SRPK1: variants seen among roughly 807,000 people sequenced by gnomAD.
SRPK1 encodes SRSF protein kinase 1.
SRPK1 carries 52 observed loss-of-function variants against 89.5 expected under a neutral mutation model. That is an observed-to-expected ratio of 0.58 (90% CI 0.46 to 0.73). SRPK1 has a LOEUF of 0.73. Among genes scored for constraint, SRPK1 ranks in the 30% least tolerant of loss-of-function variants. The pLI, the probability that SRPK1 is intolerant of heterozygous loss-of-function variation, is 0.00. For synonymous variants in SRPK1, 255 were observed against 270.2 expected, an observed-to-expected ratio of 0.94 and a Z score of 0.55; for missense variants, 603 against 780.6, an observed-to-expected ratio of 0.77 and a Z score of 2.71.
At chr6:35,893,011 T>A (rs919502835) in intron 2 of SRPK1, among the ~76,000 whole-genome samples, 2 of 152,204 alleles carry the variant, frequency 1.3e-5, no homozygotes, top group South Asian at 2.1e-4. Flanking sequence ...AAATTAGCTA[T>A]AAAACTGCAT....
At chr6:35,880,742 A>AAAAAAAAAAAAAAAAAAAAAAAAGAAAG in intron 6 of SRPK1, among the ~76,000 whole-genome samples, 3 of 28,190 alleles carry the variant, frequency 1.1e-4, no homozygotes, top group East Asian at 1.0e-3. Flanking sequence ...AAAGAAAAAA[A>AAAAAAAAAAAAAAAAAAAAAAAAGAAAG]AAAAAAAAGA....
chr6:35,904,057 G>A (rs1002516050), intron 2 of SRPK1, among the ~76,000 whole-genome samples: 9 of 151,790 alleles, frequency 5.9e-5, no homozygotes, highest in Non-Finnish European at 8.8e-5. Context: ...TCCCACCTTG[G>A]CCTCCCAAAG....
rs11546952 is a variant in SRPK1, at chr6:35,834,150, G to A, written c.*1154C>T. 1 of 71,710 alleles carries A rather than the reference G, an allele frequency of 1.4e-5. No individual in the cohort carries two copies. Among genetic ancestry groups the A allele is most frequent in the Non-Finnish European group, 3.2e-5 (1 of 31,380 alleles). 4.4% of individuals were successfully genotyped at this position (71,710 alleles called of 1,614,324 possible). ...AGAATGGCTAATCTTAAAAAATAAC[G>A]AACCAACCAACCAAAAAACAAAACA... On this transcript the variant is annotated 3_prime_UTR_variant, in exon 16 of 16. Coordinates refer to ENST00000373825, the MANE Select transcript of SRPK1 (RefSeq NM_003137.5).
At chr6:35,892,935 G>T (rs1456237629) in intron 2 of SRPK1, among the ~76,000 whole-genome samples, 1 of 152,150 alleles carries the variant, frequency 6.6e-6, no homozygotes, top group African/African-American at 2.4e-5. Context: ...TAATGATTTA[G>T]ATTTTTGGTG....
chr6:35,888,815 T>C lies in SRPK1; in HGVS notation c.302A>G (p.Gln101Arg). 1.3e-6 allele frequency: 2 copies of C among 1,593,482 alleles called. No homozygotes were observed. The highest frequency in any genetic ancestry group is 8.6e-7 in the Non-Finnish European group (1 of 1,161,626). ...CTTTTACAGAACCACTAAAACTTAC[T>C]GAATATCCCATGATAACCATACTGT... is the stretch of plus-strand genomic sequence containing the variant. ...FSTVWLSWDI[Q>R]GKKFVAMKVV... Residue 101 changes from glutamine (Q) to arginine (R), a missense_variant and splice_region_variant, in exon 4 of 16, where the codon CAG becomes CGG. Gln to Arg is a conservative substitution (Grantham distance 43). Coordinates refer to ENST00000373825, the MANE Select transcript of SRPK1 (RefSeq NM_003137.5).
intron 13 of SRPK1, among the ~76,000 whole-genome samples, chr6:35,843,566 TCAGC>T (rs1769364402): frequency 6.6e-6 from 1 of 151,906 alleles, no homozygotes; most frequent in Non-Finnish European, 1.5e-5. Context: ...TTCTCCTGCC[TCAGC>T]CTCCGGAGTA....
chr6:35,865,886 A>G (rs562179250), intron 12 of SRPK1, among the ~76,000 whole-genome samples: 2 of 152,220 alleles, frequency 1.3e-5, no homozygotes, highest in African/African-American at 4.8e-5. Flanking sequence ...TTAAACAAAA[A>G]AGCTTCTGCA....
At chr6:35,882,051 A>G (rs1240061758) in intron 6 of SRPK1, among the ~76,000 whole-genome samples, 4 of 146,404 alleles carry the variant, frequency 2.7e-5, no homozygotes, top group African/African-American at 1.0e-4. Flanking sequence ...AACAAGAACA[A>G]TAAGAACAAC....
chr6:35,909,445 C>T (rs185843303), intron 2 of SRPK1, among the ~76,000 whole-genome samples: 5 of 152,228 alleles, frequency 3.3e-5, no homozygotes, highest in Admixed American at 3.3e-4. Flanking sequence ...ATTTTATAGG[C>T]TTATAGGTGG....
At chr6:35,879,771 A>G (rs975847584) in intron 6 of SRPK1, among the ~76,000 whole-genome samples, 4 of 152,056 alleles carry the variant, frequency 2.6e-5, no homozygotes, top group African/African-American at 9.7e-5. Context: ...CTTTAAAACA[A>G]ATGTCTTAAA....
chr6:35,883,266 G>A (rs1366884644), intron 6 of SRPK1, among the ~76,000 whole-genome samples: 1 of 152,112 alleles, frequency 6.6e-6, no homozygotes, highest in East Asian at 1.9e-4. Context: ...GTGTGCATCT[G>A]TAATCTCAGC....
chr6:35,902,861 A>C (rs1397099171), intron 2 of SRPK1, among the ~76,000 whole-genome samples: 2 of 152,250 alleles, frequency 1.3e-5, no homozygotes, highest in Admixed American at 1.3e-4. Flanking sequence ...AGGCATAAAA[A>C]CTAGCAGAAG....
At chr6:35,869,214 A>G in intron 11 of SRPK1, 104 bp from the exon 12 acceptor site, 1 of 995,954 alleles carries the variant, frequency 1.0e-6, no homozygotes, top group South Asian at 1.6e-5. Flanking sequence ...AGCAATACCC[A>G]AGTGACAACT....
Position 35,872,755 on chromosome 6 carries a change from G to A in SRPK1, c.586-27C>T, listed in dbSNP as rs768416061. On this transcript the variant is annotated intron_variant, in intron 7 of 15. Coordinates refer to ENST00000373825, the MANE Select transcript of SRPK1 (RefSeq NM_003137.5). ...TGAATGGAAATAGAGTGGCAGACTT[G>A]CAAACACAAAATACAGGCTTTCTGG... 6.4e-6 allele frequency: 10 copies of A among 1,557,566 alleles called. No individual in the cohort carries two copies. In the African/African-American group the frequency reaches 1.2e-4, roughly 19 times the overall value.
chr6:35,921,058 G>C lies in SRPK1; in HGVS notation c.-2C>G, dbSNP rs202029448. On this transcript the variant is annotated 5_prime_UTR_variant, in exon 1 of 16. Coordinates refer to ENST00000373825, the MANE Select transcript of SRPK1 (RefSeq NM_003137.5). ...CCACCGCTCACCTTTCCGCTCCATG[G>C]TGAGACCGGTAATCGCCAGGCGCCT... 219 of 1,536,354 alleles carry C rather than the reference G, an allele frequency of 1.4e-4. 1 individual carries two copies. In the African/African-American group the frequency reaches 2.7e-3, roughly 19 times the overall value.
intron 12 of SRPK1, among the ~76,000 whole-genome samples, chr6:35,858,135 A>T (rs894484256): frequency 1.3e-5 from 2 of 152,186 alleles, no homozygotes; most frequent in African/African-American, 4.8e-5. Flanking sequence ...TATATACAAA[A>T]GTAGAAAGAA....
intron 12 of SRPK1, among the ~76,000 whole-genome samples, chr6:35,863,683 C>CAA (rs201506926): frequency 3.3e-5 from 5 of 150,188 alleles, no homozygotes; most frequent in African/African-American, 1.2e-4. Context: ...TGAGGGATTT[C>CAA]AAAAAAAAGC....
chr6:35,909,673 C>T (rs1346487779), intron 2 of SRPK1, among the ~76,000 whole-genome samples: 1 of 152,198 alleles, frequency 6.6e-6, no homozygotes, highest in African/African-American at 2.4e-5. Flanking sequence ...GGAGAGACCA[C>T]GTGGGAGGTG....
At chr6:35,886,079 T>C (rs941808514) in intron 6 of SRPK1, among the ~76,000 whole-genome samples, 3 of 141,204 alleles carry the variant, frequency 2.1e-5, no homozygotes, top group African/African-American at 8.4e-5. Flanking sequence ...TTTTAGACAG[T>C]ATCTTTTTTT....
Sources: gnomAD v4.1 joint callset for allele counts (sites outside exome capture counted in the v4.1 genomes callset) on GRCh38, gnomAD v4.1.1 for gene constraint, MANE v1.5 for transcripts, NCBI Gene and HGNC (gene_info 2026-07-23, HGNC 2026-07-21) for gene names.